The following SDK1 variants were observed in gnomAD, a reference collection of about 807,000 sequenced individuals.
The protein encoded by SDK1 is protein sidekick-1.
Under a neutral mutation model 245.5 loss-of-function variants are expected in SDK1, and 157 were observed. The observed-to-expected ratio is 0.64, with a 90% confidence interval of 0.56 to 0.73. The LOEUF (loss-of-function observed/expected upper bound fraction) is 0.73, where lower values mean the gene tolerates loss of function less well. SDK1 is among the 30% of genes least tolerant of loss of function. The pLI is 0.00. For synonymous variants in SDK1, 1,647 were observed against 1,278.5 expected, an observed-to-expected ratio of 1.29 and a Z score of -6.15; for missense variants, 3,583 against 3,002.3, an observed-to-expected ratio of 1.19 and a Z score of -4.52.
At chr7:3,415,488 A>G (rs1028834031) in intron 1 of SDK1, among the ~76,000 whole-genome samples, 61 of 152,102 alleles carry the variant, frequency 4.0e-4, no homozygotes, top group African/African-American at 1.4e-3. Context: ...ATGATTAAAA[A>G]ACAATGATGA....
chr7:4,110,670 C>G lies in SDK1; in HGVS notation c.3332C>G (p.Ala1111Gly), dbSNP rs750692758. ...SRWIVEGQVGAIGDEEEWVTL... is the reference protein window; with the variant it reads ...SRWIVEGQVGGIGDEEEWVTL... ...GTGTCTCCCTCTGCACAGGTGGGAGCTATCGGCGACGAGGAGGAGTGGGTC... is the reference window on the plus strand; with the variant it reads ...GTGTCTCCCTCTGCACAGGTGGGAGGTATCGGCGACGAGGAGGAGTGGGTC... Residue 1111 changes from alanine (A) to glycine (G), a missense_variant, in exon 23 of 45, where the codon GCT (alanine) becomes GGT (glycine). Coordinates refer to ENST00000404826, the MANE Select transcript of SDK1 (RefSeq NM_152744.4). 3.0e-5 allele frequency: 49 copies of G among 1,611,478 alleles called. No homozygotes were observed. The highest frequency in any genetic ancestry group is 3.3e-5 in the Non-Finnish European group (39 of 1,178,170).
At position 4,017,258 on chromosome 7, in the gene SDK1, C is replaced by T; in HGVS notation, c.2508C>T (p.Ile836=). 6.2e-7 allele frequency: 1 copy of T among 1,614,086 alleles called. No homozygotes were observed. Among genetic ancestry groups the T allele is most frequent in the East Asian group, 2.2e-5 (1 of 44,874 alleles). The change falls in exon 17 of 45, where the codon ATC becomes ATT. Residue 836 remains isoleucine (I), a synonymous_variant. Transcript: ENST00000404826. ...EVNYCLVTDL[I]IWTQYEIQVA... ...ACTACTGCCTGGTGACAGACCTGAT[C>T]ATCTGGACACAGTATGAGATACAGG...
chr7:3,781,128 A>G (rs531318849), intron 4 of SDK1, among the ~76,000 whole-genome samples: 2 of 152,180 alleles, frequency 1.3e-5, no homozygotes, highest in East Asian at 3.9e-4. Flanking sequence ...CCTAAGGAAC[A>G]TAGCCTCTGG....
chr7:3,655,925 G>T (rs1004590721), intron 4 of SDK1, among the ~76,000 whole-genome samples: 11 of 152,120 alleles, frequency 7.2e-5, no homozygotes, highest in Middle Eastern at 3.2e-3. Context: ...CACCTCACCA[G>T]TGTCTGGGAA....
chr7:3,865,102 A>G (rs1345567078), intron 5 of SDK1, among the ~76,000 whole-genome samples: 1 of 152,128 alleles, frequency 6.6e-6, no homozygotes, highest in Non-Finnish European at 1.5e-5. Flanking sequence ...TACTGACAGG[A>G]GTAGAAAGGA....
intron 14 of SDK1, among the ~76,000 whole-genome samples, chr7:3,989,769 C>G (rs1295615194): frequency 2.0e-5 from 3 of 152,226 alleles, no homozygotes; most frequent in Non-Finnish European, 2.9e-5. Context: ...AGATAACTCA[C>G]TTTATTTCTC....
chr7:4,035,097 G>C (rs894656783), intron 17 of SDK1, among the ~76,000 whole-genome samples: 2 of 152,096 alleles, frequency 1.3e-5, no homozygotes, highest in Non-Finnish European at 2.9e-5. Flanking sequence ...TCCTGCCTTA[G>C]CCTCCCGAGT....
intron 4 of SDK1, among the ~76,000 whole-genome samples, chr7:3,742,698 A>G (rs1335662329): frequency 6.6e-6 from 1 of 152,160 alleles, no homozygotes; most frequent in African/African-American, 2.4e-5. Flanking sequence ...TTTTAACACC[A>G]AATAAAATTA....
chr7:4,248,968 A>G (rs991399200), intron 44 of SDK1, among the ~76,000 whole-genome samples: 9 of 152,216 alleles, frequency 5.9e-5, no homozygotes, highest in Admixed American at 3.9e-4. Flanking sequence ...AAATACACAC[A>G]TACACATATG....
chr7:3,960,626 C>T (rs766145965), intron 8 of SDK1, among the ~76,000 whole-genome samples: 5 of 152,196 alleles, frequency 3.3e-5, no homozygotes, highest in African/African-American at 9.6e-5. Flanking sequence ...GCTCCTGGCC[C>T]GGGACTTGGT....
At chr7:3,325,196 A>G (rs1406273951) in intron 1 of SDK1, among the ~76,000 whole-genome samples, 1 of 152,098 alleles carries the variant, frequency 6.6e-6, no homozygotes, top group Non-Finnish European at 1.5e-5. Flanking sequence ...TCTTACAACC[A>G]TAGACCATAT....
rs1360456237 is a variant in SDK1, at chr7:3,301,834, G to T, written c.248G>T (p.Trp83Leu). 2.8e-5 allele frequency: 32 copies of T among 1,125,086 alleles called. No individual in the cohort carries two copies. Among genetic ancestry groups the T allele is most frequent in the Middle Eastern group, 3.7e-4 (1 of 2,672 alleles). The allele number at this position is 1,125,086 out of a possible 1,614,324, so 69.7% of individuals were successfully genotyped here. A position where few individuals can be genotyped will look rare whatever the true frequency, so the allele number is the denominator to read the frequency against. ...AAKLGPGRRG[W>L]WALLALQLHL... ...AAGTTGGGGCCGGGCCGCCGCGGCT[G>T]GTGGGCGCTGCTGGCGCTGCAGCTG... The change falls in exon 1 of 45, where the codon TGG becomes TTG. Residue 83 changes from tryptophan to leucine, a missense_variant. Coordinates refer to ENST00000404826, the MANE Select transcript of SDK1 (RefSeq NM_152744.4).
intron 32 of SDK1, among the ~76,000 whole-genome samples, chr7:4,165,252 G>A (rs561051459): frequency 9.9e-5 from 15 of 151,966 alleles, no homozygotes; most frequent in Admixed American, 7.9e-4. Flanking sequence ...CCAGCTACTC[G>A]GGAGGCTCAG....
chr7:4,087,198 T>C (rs1781478518), intron 22 of SDK1, among the ~76,000 whole-genome samples: 2 of 152,186 alleles, frequency 1.3e-5, no homozygotes, highest in African/African-American at 4.8e-5. Flanking sequence ...AACTGGTTCT[T>C]GTATATGGAG....
Position 3,640,179 on chromosome 7 carries a change from C to T in SDK1, c.565+1069C>T, listed in dbSNP as rs149791885. ...GTTTTACTATATTTTGAATGTATTA[C>T]CAAAATTTCTCTTTGTTTAAAAGTA... On this transcript the variant is annotated intron_variant, in intron 3 of 44. Coordinates refer to ENST00000404826, the MANE Select transcript of SDK1 (RefSeq NM_152744.4). 5.8e-3 allele frequency among the ~76,000 whole-genome samples: 878 copies of T among 152,112 alleles called. 9 individuals are homozygous for T. The highest frequency in any genetic ancestry group is 0.019 in the African/African-American group (795 of 41,472).
intron 1 of SDK1, among the ~76,000 whole-genome samples, chr7:3,491,343 C>G (rs1441867046): frequency 6.6e-6 from 1 of 152,208 alleles, no homozygotes; most frequent in African/African-American, 2.4e-5. Flanking sequence ...ATCAGAGCAT[C>G]TGGGGGTGGA....
At chr7:3,753,602 T>G (rs1005773408) in intron 4 of SDK1, among the ~76,000 whole-genome samples, 4 of 152,174 alleles carry the variant, frequency 2.6e-5, no homozygotes, top group African/African-American at 9.7e-5. Context: ...CTGGGAGCCT[T>G]AAGGGTGAAC....
chr7:3,565,224 C>G (rs552413190), intron 1 of SDK1, among the ~76,000 whole-genome samples: 1 of 152,178 alleles, frequency 6.6e-6, no homozygotes, highest in East Asian at 1.9e-4. Flanking sequence ...AAAATGGCCT[C>G]TACTTCACCT....
At chr7:3,986,503 G>C (rs928074245) in intron 13 of SDK1, among the ~76,000 whole-genome samples, 13 of 152,210 alleles carry the variant, frequency 8.5e-5, no homozygotes, top group Admixed American at 2.6e-4. Context: ...TGCATATGTG[G>C]CATTTCCATG....
Sources: gnomAD v4.1 joint callset for allele counts (sites outside exome capture counted in the v4.1 genomes callset) on GRCh38, gnomAD v4.1.1 for gene constraint, MANE v1.5 for transcripts, NCBI Gene and HGNC (gene_info 2026-07-23, HGNC 2026-07-21) for gene names.